The following PIR variants were observed in gnomAD, a reference collection of about 807,000 sequenced individuals.
The protein encoded by PIR is pirin (iron-binding nuclear protein).
Under a neutral mutation model 24.2 loss-of-function variants are expected in PIR, and 22 were observed. The ratio of observed to expected loss-of-function variants is 0.91; its 90% CI spans 0.65 to 1.30. The LOEUF is 1.30. Among genes scored for constraint, PIR ranks in the 50% most tolerant of loss-of-function variants. PIR has a pLI of 0.00. For synonymous variants in PIR, 80 were observed against 79.6 expected, an observed-to-expected ratio of 1.00 and a Z score of -0.03; for missense variants, 220 against 220.3, an observed-to-expected ratio of 1.00 and a Z score of 0.01.
At chrX:15,405,663 CTA>C (rs915698551) in intron 7 of PIR, among the ~76,000 whole-genome samples, 3 of 112,274 alleles carry the variant, frequency 2.7e-5, no homozygotes, top group Non-Finnish European at 5.6e-5. Flanking sequence ...TTATAAAGCA[CTA>C]TGTTTTTCTC....
chrX:15,387,793 TTCTGGGGTAG>T (rs779277756), intron 9 of PIR, among the ~76,000 whole-genome samples: 1 of 111,542 alleles, frequency 9.0e-6, no homozygotes, highest in Non-Finnish European at 1.9e-5. Flanking sequence ...TTTTGACACT[TTCTGGGGTAG>T]TCTGCCATGT....
intron 5 of PIR, among the ~76,000 whole-genome samples, chrX:15,445,163 A>G (rs1926046491): frequency 1.8e-5 from 2 of 111,596 alleles, no homozygotes; most frequent in Non-Finnish European, 3.8e-5. Context: ...AATCAGAGGC[A>G]GGTGACTGAA....
intron 6 of PIR, among the ~76,000 whole-genome samples, chrX:15,417,451 A>C (rs1228735260): frequency 8.9e-6 from 1 of 112,560 alleles, no homozygotes; most frequent in Non-Finnish European, 1.9e-5. Context: ...ATTAAAATCT[A>C]CTTTTTAATC....
chrX:15,488,278 CAAAAAA>C (rs1184870069), intron 2 of PIR, among the ~76,000 whole-genome samples: 1,293 of 31,898 alleles, frequency 0.041, 14 homozygotes, highest in Non-Finnish European at 0.066. Flanking sequence ...AACTCCGTCT[CAAAAAA>C]AAAAAAAAAA....
chrX:15,425,859 CT>C (rs750346122), intron 6 of PIR, 46 bp downstream of exon 6: 1,583 of 665,172 alleles, frequency 2.4e-3, no homozygotes, highest in Non-Finnish European at 2.8e-3. Flanking sequence ...TTTTTCTTTT[CT>C]TTTTTTTTTC....
chrX:15,398,846 G>A (rs1398764162), intron 7 of PIR, among the ~76,000 whole-genome samples: 2 of 111,226 alleles, frequency 1.8e-5, no homozygotes, highest in Non-Finnish European at 3.8e-5. Flanking sequence ...ATTACACTCT[G>A]AATTGAGAAA....
At chrX:15,438,135 C>T (rs1925806602) in intron 5 of PIR, among the ~76,000 whole-genome samples, 1 of 112,365 alleles carries the variant, frequency 8.9e-6, no homozygotes, top group Non-Finnish European at 1.9e-5. Context: ...TAGTTCCCTG[C>T]TATTCAGCAC....
chrX:15,489,849 T>G (rs1923061133), intron 2 of PIR, among the ~76,000 whole-genome samples: 1 of 111,413 alleles, frequency 9.0e-6, no homozygotes, highest in African/African-American at 3.3e-5. Context: ...ATGATCTCAC[T>G]CATATGCGAA....
chrX:15,491,948 T>C (rs1243084441), intron 1 of PIR, among the ~76,000 whole-genome samples: 1 of 110,458 alleles, frequency 9.1e-6, no homozygotes, highest in African/African-American at 3.3e-5. Flanking sequence ...AGCATGACTT[T>C]AGCAGCTCTG....
intron 2 of PIR, among the ~76,000 whole-genome samples, chrX:15,490,806 G>A (rs1362684774): frequency 2.7e-5 from 3 of 111,824 alleles, no homozygotes; most frequent in Non-Finnish European, 3.8e-5. Context: ...GTTACTCCCT[G>A]GTGCTTTGAA....
chrX:15,420,035 A>G lies in PIR; in HGVS notation c.565+5871T>C, dbSNP rs187065129. Among the ~76,000 whole-genome samples, 14 of 110,924 alleles carry G rather than the reference A, an allele frequency of 1.3e-4. No individual in the cohort carries two copies. In the Admixed American group the frequency reaches 1.3e-3, roughly 11 times the overall value. ...AACATGGTCAAACCCCGTCGCTACT[A>G]AAAATACAAAAATTAGCCAGGCATG... On this transcript the variant is annotated intron_variant, in intron 6 of 9. Coordinates refer to ENST00000380420, the MANE Select transcript of PIR (RefSeq NM_001018109.3).
At position 15,480,064 on chromosome X, in the gene PIR, T is replaced by TGGGAG. The variant is rs748780047; in HGVS notation, c.97-248_97-244dup. 7.2e-5 allele frequency among the ~76,000 whole-genome samples: 8 copies of TGGGAG among 111,714 alleles called. No individual in the cohort carries two copies. The South Asian group carries it at 1.9e-3, about 26-fold the overall frequency. ...CCCGTGTGTTGTGGGAGCAACTCAGTGGGAGATGACTGAATCATGGGGACA... is the reference window on the plus strand; with the variant it reads ...CCCGTGTGTTGTGGGAGCAACTCAGTGGGAGGGGAGATGACTGAATCATGGGGACA... On this transcript the variant is annotated intron_variant, in intron 2 of 9. Coordinates refer to ENST00000380420, the MANE Select transcript of PIR (RefSeq NM_001018109.3).
chrX:15,397,218 A>C (rs779701646), intron 8 of PIR, among the ~76,000 whole-genome samples: 3 of 112,514 alleles, frequency 2.7e-5, no homozygotes, highest in Non-Finnish European at 5.6e-5. Flanking sequence ...TCCAGGGGTA[A>C]ACAATAGGGA....
rs1569199915 is a variant in PIR, at chrX:15,426,036, G to T, written c.481-46C>A. The T allele has an allele frequency of 1.2e-5, 10 of 850,412 alleles. No homozygotes were observed. The South Asian group carries it at 1.4e-4, about 12-fold the overall frequency. The allele number at this position is 850,412 out of a possible 1,213,427, so 70.1% of individuals were successfully genotyped here. A position where few individuals can be genotyped will look rare whatever the true frequency, so the allele number is the denominator to read the frequency against. ...ATCAGTGTTTTTTTCTAAGAATAAG[G>T]TTCTTCTTTCCTTCAGCTGGCCCTT... is the stretch of plus-strand genomic sequence containing the variant. On this transcript the variant is annotated intron_variant, in intron 5 of 9. Coordinates refer to ENST00000380420, the MANE Select transcript of PIR (RefSeq NM_001018109.3).
chrX:15,467,632 T>C (rs1321732108), intron 3 of PIR, among the ~76,000 whole-genome samples: 1 of 112,208 alleles, frequency 8.9e-6, no homozygotes, highest in Non-Finnish European at 1.9e-5. Flanking sequence ...AATCCTTCTT[T>C]GGTGTGGGTA....
At chrX:15,390,049 TAAAC>T (rs1923903956) in intron 9 of PIR, 132 bp downstream of exon 9, 1 of 323,980 alleles carries the variant, frequency 3.1e-6, no homozygotes, top group South Asian at 1.6e-4. Flanking sequence ...ACAGAAAAAT[TAAAC>T]AATCCTCAGA....
chrX:15,423,143 C>G (rs1429382450), intron 6 of PIR, among the ~76,000 whole-genome samples: 1 of 112,143 alleles, frequency 8.9e-6, no homozygotes, highest in Non-Finnish European at 1.9e-5. Flanking sequence ...GAATTAAAGA[C>G]TTAAATTTAA....
intron 5 of PIR, among the ~76,000 whole-genome samples, chrX:15,442,837 T>C (rs1925963669): frequency 8.9e-6 from 1 of 112,002 alleles, no homozygotes; most frequent in African/African-American, 3.2e-5. Flanking sequence ...AGGTTGGTTA[T>C]TGAGGTTTAA....
intron 6 of PIR, among the ~76,000 whole-genome samples, chrX:15,412,408 T>C (rs1397353383): frequency 8.9e-6 from 1 of 112,305 alleles, no homozygotes; most frequent in African/African-American, 3.2e-5. Flanking sequence ...TTTTCATTTA[T>C]TTTCAATACT....
Sources: allele counts gnomAD v4.1 joint callset (sites outside exome capture counted in the v4.1 genomes callset), GRCh38; gene constraint gnomAD v4.1.1; transcripts MANE v1.5; gene names NCBI Gene and HGNC (gene_info 2026-07-23, HGNC 2026-07-21).